The following KANK1 variants were observed in gnomAD, a reference collection of about 807,000 sequenced individuals.
The protein encoded by KANK1 is KN motif and ankyrin repeat domains 1.
Under a neutral mutation model 106.2 loss-of-function variants are expected in KANK1, and 109 were observed. The observed-to-expected ratio is 1.03, with a 90% CI of 0.88 to 1.20. KANK1 has a LOEUF of 1.20. KANK1 is among the 50% of genes most tolerant of loss of function. The pLI is 0.00. For synonymous variants in KANK1, 873 were observed against 652.2 expected, an observed-to-expected ratio of 1.34 and a Z score of -5.16; for missense variants, 2,399 against 1,710.7, an observed-to-expected ratio of 1.40 and a Z score of -7.10.
intron 1 of KANK1, among the ~76,000 whole-genome samples, chr9:522,387 A>G (rs770632893): frequency 6.6e-6 from 1 of 151,672 alleles, no homozygotes; most frequent in Admixed American, 6.6e-5. Flanking sequence ...GCACATACAC[A>G]CAGCTGGATA....
intron 1 of KANK1, among the ~76,000 whole-genome samples, chr9:583,881 T>TA (rs1822791870): frequency 6.6e-6 from 1 of 152,044 alleles, no homozygotes; most frequent in South Asian, 2.1e-4. Context: ...AAAGATATGC[T>TA]AATCAAAATT....
chr9:674,814 G>A (rs984900850), intron 1 of KANK1, among the ~76,000 whole-genome samples: 1 of 151,912 alleles, frequency 6.6e-6, no homozygotes, highest in Admixed American at 6.6e-5. Flanking sequence ...AGTGGTTCTG[G>A]TGCCTCAGCC....
At chr9:645,450 AAAAAAAAAAAAG>A (rs1485892179) in intron 1 of KANK1, among the ~76,000 whole-genome samples, 1 of 149,814 alleles carries the variant, frequency 6.7e-6, no homozygotes, top group African/African-American at 2.5e-5. Flanking sequence ...AAAAAAAAAA[AAAAAAAAAAAAG>A]GCCTTAAGAT....
At chr9:548,511 C>G (rs1397480185) in intron 1 of KANK1, among the ~76,000 whole-genome samples, 2 of 152,072 alleles carry the variant, frequency 1.3e-5, no homozygotes, top group East Asian at 3.8e-4. Context: ...GGGTGTTTCT[C>G]AAGAATGTTT....
At chr9:513,753 T>C (rs2059134065) in intron 1 of KANK1, among the ~76,000 whole-genome samples, 1 of 152,132 alleles carries the variant, frequency 6.6e-6, no homozygotes, top group South Asian at 2.1e-4. Flanking sequence ...CAAAAGCAAT[T>C]AGAACAAAAG....
At chr9:720,869 G>A (rs1396189717) in intron 3 of KANK1, among the ~76,000 whole-genome samples, 4 of 152,162 alleles carry the variant, frequency 2.6e-5, no homozygotes, top group Non-Finnish European at 5.9e-5. Context: ...TCTACCATTA[G>A]TGGCCCAGGG....
At position 516,172 on chromosome 9, in the gene KANK1, A is replaced by G. The variant is rs965089682; in HGVS notation, c.-84+11418A>G. Among the ~76,000 whole-genome samples the G allele has an allele frequency of 5.9e-5, 9 of 151,692 alleles. 1 individual carries two copies. The highest frequency in any genetic ancestry group is 1.3e-4 in the Admixed American group (2 of 15,258). On this transcript the variant is annotated intron_variant, in intron 1 of 11. Transcript: ENST00000382297. ...TGTTTGGCCTCTTGGTGGCAAGACT[A>G]TGTCCTGGGTCAGATTATCTAAAGG...
intron 2 of KANK1, among the ~76,000 whole-genome samples, chr9:693,260 C>G (rs1203100344): frequency 6.6e-6 from 1 of 152,110 alleles, no homozygotes. Flanking sequence ...ATTCCAGCCT[C>G]GGTTCAGCAT....
At position 743,975 on chromosome 9, in the gene KANK1, A is replaced by G. The variant is rs569307993; in HGVS notation, c.3898-516A>G. 4.6e-5 allele frequency among the ~76,000 whole-genome samples: 7 copies of G among 152,258 alleles called. No homozygotes were observed. The South Asian group carries it at 1.5e-3, about 32-fold the overall frequency. ...CAGTTAAGTGAAGCTTTTTTCACCC[A>G]TATGTAGTGTTTCCCCTCTTATTTC... On this transcript the variant is annotated intron_variant, in intron 10 of 11. Transcript: ENST00000382297.
chr9:730,088 T>A lies in KANK1; in HGVS notation c.2736T>A (p.Leu912=). 1 of 1,614,232 alleles carries A rather than the reference T, an allele frequency of 6.2e-7. No homozygotes were observed. The highest frequency in any genetic ancestry group is 8.5e-7 in the Non-Finnish European group (1 of 1,180,032). ...GATATACCTGTAAGTGTGGGGGCCT[T>A]CAGTCAGGAAGTCCCTTAAGCTCCC... ...YLGYTCKCGG[L]QSGSPLSSQT... is the part of the protein sequence containing the mutation. The change falls in exon 4 of 12, where the codon CTT becomes CTA. Residue 912 remains leucine, a synonymous_variant. Transcript: ENST00000382297.
chr9:735,267 T>C (rs549825458), intron 7 of KANK1, among the ~76,000 whole-genome samples: 1 of 152,218 alleles, frequency 6.6e-6, no homozygotes, highest in Non-Finnish European at 1.5e-5. Context: ...CTTTCAGTTA[T>C]GAAACTGTAT....
rs144488235 is a variant in KANK1 at position 619,688 on chromosome 9, C to T, written c.-83-57202C>T. On this transcript the variant is annotated intron_variant, in intron 1 of 11. Transcript: ENST00000382297. ...AGAATGCAGATGTTCGTAGATCAGCCGTACTGTAATTTTCAAGGATTTAAT... is the reference window on the plus strand; with the variant it reads ...AGAATGCAGATGTTCGTAGATCAGCTGTACTGTAATTTTCAAGGATTTAAT... 3.9e-5 allele frequency among the ~76,000 whole-genome samples: 6 copies of T among 152,054 alleles called. No individual in the cohort carries two copies. In the East Asian group the frequency reaches 1.2e-3, roughly 29 times the overall value.
chr9:744,773 T>C, intron 11 of KANK1, 184 bp downstream of exon 11: 1 of 1,487,184 alleles, frequency 6.7e-7, no homozygotes, highest in Non-Finnish European at 9.0e-7. Context: ...ACTAATGTTT[T>C]AGCAGAGGCT....
chr9:570,095 G>A, intron 1 of KANK1, among the ~76,000 whole-genome samples: 1 of 152,100 alleles, frequency 6.6e-6, no homozygotes, highest in Non-Finnish European at 1.5e-5. Flanking sequence ...TTGTTTAGAT[G>A]TCTGTTGTTT....
At chr9:503,375 GATTCAAA>G (rs1308290323), upstream of KANK1, among the ~76,000 whole-genome samples, 1 of 152,178 alleles carries the variant, frequency 6.6e-6, no homozygotes, top group Non-Finnish European at 1.5e-5. Flanking sequence ...AAGGCGCTGA[GATTCAAA>G]ATGAGCTTTC....
rs141746928 is a variant in KANK1 at position 535,519 on chromosome 9, G to A, written c.-84+30765G>A. ...GGTACTATGATCATCTCCAAGTGAC[G>A]TTCAGAGAGGTGGTCTGCCCCAGGT... On this transcript the variant is annotated intron_variant, in intron 1 of 11. Coordinates refer to ENST00000382297, the MANE Select transcript of KANK1 (RefSeq NM_015158.5). Among the ~76,000 whole-genome samples the A allele has an allele frequency of 9.0e-3, 1,370 of 152,304 alleles. 14 individuals carry two copies. The highest frequency in any genetic ancestry group is 0.014 in the Non-Finnish European group (979 of 68,042).
chr9:485,182 T>C (rs971685505), intron 3 of KANK1, among the ~76,000 whole-genome samples: 1 of 152,146 alleles, frequency 6.6e-6, no homozygotes, highest in Non-Finnish European at 1.5e-5. Flanking sequence ...GTGGGTGTGG[T>C]ATTCAGGCCT....
At chr9:475,816 A>G (rs2058092914) in intron 3 of KANK1, among the ~76,000 whole-genome samples, 1 of 152,140 alleles carries the variant, frequency 6.6e-6, no homozygotes, top group Admixed American at 6.6e-5. Context: ...CTCCCATCTG[A>G]AGAGATTAAG....
chr9:566,396 A>T (rs1817818881), intron 1 of KANK1, among the ~76,000 whole-genome samples: 1 of 152,206 alleles, frequency 6.6e-6, no homozygotes, highest in Non-Finnish European at 1.5e-5. Flanking sequence ...TCTGGGTGGA[A>T]TGGGAGTTAT....
Sources: gnomAD v4.1 joint callset for allele counts (sites outside exome capture counted in the v4.1 genomes callset) on GRCh38, gnomAD v4.1.1 for gene constraint, MANE v1.5 for transcripts, NCBI Gene and HGNC (gene_info 2026-07-23, HGNC 2026-07-21) for gene names.